Variants in USH2A observed in about 807,000 individuals in gnomAD.
The protein encoded by USH2A is Usher syndrome 2A (autosomal recessive, mild).
In USH2A, 443 loss-of-function variants were observed where a neutral mutation model predicts 538.9. That is an observed-to-expected ratio of 0.82 (90% CI 0.76 to 0.89). The LOEUF (loss-of-function observed/expected upper bound fraction) is 0.89. Among genes scored for constraint, USH2A ranks in the 40% least tolerant of loss-of-function variants. The pLI, the probability that USH2A is intolerant of heterozygous loss-of-function variation, is 0.00. For synonymous variants in USH2A, 2,413 were observed against 2,273.5 expected (o/e 1.06, Z -1.75); for missense variants, 6,633 against 6,324.8 (o/e 1.05, Z -1.65).
chr1:215,952,943 A>G (rs1477540415), intron 37 of USH2A, among the ~76,000 whole-genome samples: 1 of 152,224 alleles, frequency 6.6e-6, no homozygotes, highest in Non-Finnish European at 1.5e-5. Context: ...GAGCCAAATC[A>G]TGAGTGAAAT....
At chr1:215,895,692 T>C (rs958945701) in intron 40 of USH2A, among the ~76,000 whole-genome samples, 14 of 152,126 alleles carry the variant, frequency 9.2e-5, no homozygotes, top group African/African-American at 3.4e-4. Context: ...ATTATAAATG[T>C]GAAAAAATAA....
intron 69 of USH2A, among the ~76,000 whole-genome samples, 162 bp downstream of exon 69, chr1:215,638,993 C>CAAAAAAAAAAAAAAAA (rs146300382): frequency 7.6e-6 from 1 of 132,252 alleles, no homozygotes; most frequent in African/African-American, 2.9e-5. Flanking sequence ...AAAACAACAA[C>CAAAAAAAAAAAAAAAA]AAAAAAAAAA....
intron 27 of USH2A, among the ~76,000 whole-genome samples, chr1:216,077,211 A>G (rs2031782132): frequency 6.6e-6 from 1 of 152,180 alleles, no homozygotes; most frequent in Non-Finnish European, 1.5e-5. Context: ...AGATATTGTT[A>G]GCCTTTTCAA....
Position 216,046,540 on chromosome 1 carries a change from C to T in USH2A, c.6216G>A (p.Leu2072=), listed in dbSNP as rs770033251. Reference sequence around the variant, plus strand: ...CCTTTTTGGGTGGGTTCCAGGAGAGCAGCAAAGAACTGGGAAGGGATTTGG... The same window carrying T: ...CCTTTTTGGGTGGGTTCCAGGAGAGTAGCAAAGAACTGGGAAGGGATTTGG... The part of the protein sequence containing the change: ...PVAKSLPSSL[L]LSWNPPKKAN... Residue 2072 remains leucine (L), a synonymous_variant, in exon 32 of 72, where the codon CTG becomes CTA. Coordinates refer to ENST00000307340, the MANE Select transcript of USH2A (RefSeq NM_206933.4). 7.4e-6 allele frequency: 12 copies of T among 1,613,834 alleles called. No homozygotes were observed. The Admixed American group carries it at 2.0e-4, about 27-fold the overall frequency.
chr1:215,959,078 A>G (rs1355964741), intron 37 of USH2A, among the ~76,000 whole-genome samples: 1 of 152,092 alleles, frequency 6.6e-6, no homozygotes, highest in African/African-American at 2.4e-5. Flanking sequence ...GCTTACTCCA[A>G]ATTACTCTGC....
chr1:215,683,358 A>G (rs2102674703), intron 61 of USH2A, among the ~76,000 whole-genome samples: 1 of 152,354 alleles, frequency 6.6e-6, no homozygotes, highest in African/African-American at 2.4e-5. Flanking sequence ...TGAAGAAAAC[A>G]TAAAAATGAC....
At chr1:216,343,579 T>G (rs1234195579) in intron 4 of USH2A, among the ~76,000 whole-genome samples, 1 of 150,720 alleles carries the variant, frequency 6.6e-6, no homozygotes, top group Non-Finnish European at 1.5e-5. Flanking sequence ...GATTTATATA[T>G]GTAAAAAAAC....
intron 15 of USH2A, among the ~76,000 whole-genome samples, chr1:216,210,561 C>T (rs2035218596): frequency 6.6e-6 from 1 of 152,120 alleles, no homozygotes; most frequent in African/African-American, 2.4e-5. Context: ...GTTACCCTTC[C>T]TGTAAAATAG....
intron 11 of USH2A, among the ~76,000 whole-genome samples, chr1:216,252,257 T>G (rs2036177227): frequency 6.6e-6 from 1 of 152,348 alleles, no homozygotes; most frequent in African/African-American, 2.4e-5. Context: ...ATGAGAAATT[T>G]AATAACTCAG....
chr1:215,766,666 A>C lies in USH2A; in HGVS notation c.11047+15T>G. The C allele has an allele frequency of 6.2e-7, 1 of 1,608,050 alleles. No homozygotes were observed. Among genetic ancestry groups the C allele is most frequent in the Non-Finnish European group, 8.5e-7 (1 of 1,174,666 alleles). On this transcript the variant is annotated intron_variant, in intron 56 of 71. Coordinates refer to ENST00000307340, the MANE Select transcript of USH2A (RefSeq NM_206933.4). The stretch of plus-strand genomic sequence containing the variant: ...GAAAATTTCTTCCCTCAAACCATGG[A>C]TATTGTTTCATTACCTTCAGGAGCT...
At chr1:216,279,996 G>A (rs1165253088) in intron 11 of USH2A, among the ~76,000 whole-genome samples, 1 of 151,866 alleles carries the variant, frequency 6.6e-6, no homozygotes, top group East Asian at 1.9e-4. Context: ...CTCCCACCTT[G>A]GGTCAGGATC....
At chr1:216,009,238 G>C (rs1372820320) in intron 32 of USH2A, among the ~76,000 whole-genome samples, 1 of 151,508 alleles carries the variant, frequency 6.6e-6, no homozygotes, top group African/African-American at 2.4e-5. Context: ...CTTTTCTCTG[G>C]GCTTGCTTCC....
chr1:216,097,280 A>C, intron 21 of USH2A, 67 bp from the exon 22 acceptor site: 2 of 1,611,442 alleles, frequency 1.2e-6, no homozygotes, highest in Non-Finnish European at 1.7e-6. Flanking sequence ...ATAAATGTAC[A>C]TTTACTTTCA....
chr1:216,307,730 T>TA, intron 9 of USH2A, among the ~76,000 whole-genome samples: 1 of 152,330 alleles, frequency 6.6e-6, no homozygotes, highest in East Asian at 1.9e-4. Flanking sequence ...ATGGTTTTCC[T>TA]GGGGGCTGAG....
intron 45 of USH2A, 127 bp from the exon 46 acceptor site, chr1:215,844,623 T>C (rs1207060967): frequency 2.1e-6 from 2 of 959,500 alleles, no homozygotes; most frequent in African/African-American, 3.2e-5. Flanking sequence ...GCTGATGAAG[T>C]TATCACAGTC....
intron 37 of USH2A, among the ~76,000 whole-genome samples, chr1:215,961,180 T>G (rs1667190614): frequency 6.6e-6 from 1 of 152,060 alleles, no homozygotes; most frequent in African/African-American, 2.4e-5. Flanking sequence ...AATCGTGGCT[T>G]TCAGAAGACA....
intron 13 of USH2A, among the ~76,000 whole-genome samples, chr1:216,243,844 A>C (rs530335040): frequency 6.6e-6 from 1 of 152,286 alleles, no homozygotes; most frequent in Non-Finnish European, 1.5e-5. Flanking sequence ...CTCTTAACTC[A>C]TTGACTTCAT....
At chr1:215,870,294 TTTTA>T (rs1553271300) in intron 43 of USH2A, among the ~76,000 whole-genome samples, 2 of 151,414 alleles carry the variant, frequency 1.3e-5, no homozygotes, top group East Asian at 1.9e-4. Flanking sequence ...TTTATTTTTT[TTTTA>T]TTTATTTATT....
At chr1:216,315,442 T>C (rs951112320) in intron 9 of USH2A, among the ~76,000 whole-genome samples, 4 of 152,106 alleles carry the variant, frequency 2.6e-5, no homozygotes, top group Non-Finnish European at 4.4e-5. Context: ...TTTCCTGGGA[T>C]TGGGGGTTCA....
Sources: gnomAD v4.1 joint callset for allele counts (sites outside exome capture counted in the v4.1 genomes callset) on GRCh38, gnomAD v4.1.1 for gene constraint, MANE v1.5 for transcripts, NCBI Gene and HGNC (gene_info 2026-07-23, HGNC 2026-07-21) for gene names.